Variants in MMP28 observed in about 807,000 individuals in gnomAD.
MMP28 encodes the protein matrix metallopeptidase 28.
In MMP28, 55 loss-of-function variants were observed where a neutral mutation model predicts 60.5. The ratio of observed to expected loss-of-function variants is 0.91; its 90% CI spans 0.73 to 1.14. The LOEUF is 1.14. Ranked by LOEUF, MMP28 falls within the 50% of genes most tolerant of loss-of-function variation. The pLI, the probability that MMP28 is intolerant of heterozygous loss-of-function variation, is 0.00. For missense variants in MMP28, 686 were observed against 738.3 expected (o/e 0.93, Z 0.82); for synonymous variants, 318 against 312.5 (o/e 1.02, Z -0.18).
downstream of MMP28, chr17:35,764,886 G>GC (rs1328968606): frequency 6.8e-6 from 2 of 294,358 alleles, no homozygotes; most frequent in African/African-American, 4.5e-5. Flanking sequence ...CCCCCACGCA[G>GC]CACCAGCGCC....
chr17:35,761,864 C>G (rs1555601593), downstream of MMP28, among the ~76,000 whole-genome samples: 1 of 152,204 alleles, frequency 6.6e-6, no homozygotes, highest in Admixed American at 6.5e-5. Flanking sequence ...TCTCTGGAAC[C>G]CTTTTCTAGC....
chr17:35,781,612 C>A (rs2086504771), intron 1 of MMP28, among the ~76,000 whole-genome samples: 1 of 152,176 alleles, frequency 6.6e-6, no homozygotes, highest in Admixed American at 6.5e-5. Context: ...ACCAGTTCTA[C>A]CCTTTGGGCA....
intron 1 of MMP28, among the ~76,000 whole-genome samples, chr17:35,794,684 TCC>T (rs1174805766): frequency 6.6e-6 from 1 of 152,130 alleles, no homozygotes; most frequent in Non-Finnish European, 1.5e-5. Context: ...AGGTTCACCT[TCC>T]TGCCCCCTTA....
chr17:35,767,019 C>T lies in MMP28; in HGVS notation c.1169-125G>A, dbSNP rs956507574. 7 of 892,336 alleles carry T rather than the reference C, an allele frequency of 7.8e-6. No individual in the cohort carries two copies. In the African/African-American group the frequency reaches 8.2e-5, roughly 10 times the overall value. 55.3% of individuals were successfully genotyped at this position (892,336 alleles called of 1,614,324 possible). On this transcript the variant is annotated intron_variant, in intron 7 of 7. Transcript: ENST00000605424. ...AGCCCACGATGGTTGGTATTCATATCAATCAAACGGATTGCACTACAAATT... is the reference window on the plus strand; with the variant it reads ...AGCCCACGATGGTTGGTATTCATATTAATCAAACGGATTGCACTACAAATT...
At chr17:35,761,072 G>A (rs1161551037), downstream of MMP28, 9 of 1,091,780 alleles carry the variant, frequency 8.2e-6, no homozygotes, top group African/African-American at 1.5e-4. Context: ...CCATGTAGCT[G>A]CAAGCCCTCT....
At chr17:35,762,647 A>T (rs1346120427), downstream of MMP28, among the ~76,000 whole-genome samples, 1 of 152,108 alleles carries the variant, frequency 6.6e-6, no homozygotes, top group Non-Finnish European at 1.5e-5. Flanking sequence ...TGGTCTGCCC[A>T]TAGAGGGTCC....
Position 35,779,225 on chromosome 17 carries a change from C to A in MMP28, c.191+19G>T. The A allele has an allele frequency of 1.2e-6, 2 of 1,602,966 alleles. No homozygotes were observed. Among genetic ancestry groups the A allele is most frequent in the Non-Finnish European group, 1.7e-6 (2 of 1,174,770 alleles). On this transcript the variant is annotated intron_variant, in intron 2 of 7. Coordinates refer to ENST00000605424, the MANE Select transcript of MMP28 (RefSeq NM_024302.5). ...TCCTAGCACCCCTACCCCAAGTCCT[C>A]CACATCCCTCCACCCTACCTGATGG...
At chr17:35,756,397 T>C (rs952148609) in exon 3 of MMP28, 31 of 985,180 alleles carry the variant, frequency 3.1e-5, no homozygotes, top group Admixed American at 6.2e-5. Context: ...TCAATGCCGA[T>C]CTCCCAGAAC....
chr17:35,794,429 A>T (rs970075384), intron 1 of MMP28, among the ~76,000 whole-genome samples: 2 of 151,880 alleles, frequency 1.3e-5, no homozygotes, highest in Middle Eastern at 3.2e-3. Context: ...TATTTTTAAT[A>T]AAGACGGGGT....
intron 2 of MMP28, among the ~76,000 whole-genome samples, chr17:35,760,126 T>G (rs1236271222): frequency 6.6e-6 from 1 of 152,166 alleles, no homozygotes; most frequent in East Asian, 1.9e-4. Context: ...CAGACTTGGA[T>G]GGAGGATCGC....
intron 1 of MMP28, among the ~76,000 whole-genome samples, chr17:35,789,211 A>G (rs1042237751): frequency 1.3e-5 from 2 of 152,220 alleles, no homozygotes; most frequent in Admixed American, 6.5e-5. Flanking sequence ...ACAGACAGAC[A>G]TGGACACAGA....
Position 35,765,953 on chromosome 17 carries a change from C to T in MMP28, c.*547G>A, listed in dbSNP as rs1032531945. 3.8e-5 allele frequency: 37 copies of T among 985,300 alleles called. No individual in the cohort carries two copies. Among genetic ancestry groups the T allele is most frequent in the Non-Finnish European group, 4.5e-5 (37 of 829,942 alleles). The allele number at this position is 985,300 out of a possible 1,614,324, so 61.0% of individuals were successfully genotyped here. ...GGACTGGTAGGCCTGCATCAGTCTCCCTCCCACTCTGTGTCCTGACCCCAC... is the reference window on the plus strand; with the variant it reads ...GGACTGGTAGGCCTGCATCAGTCTCTCTCCCACTCTGTGTCCTGACCCCAC... On this transcript the variant is annotated 3_prime_UTR_variant, in exon 8 of 8. Coordinates refer to ENST00000605424, the MANE Select transcript of MMP28 (RefSeq NM_024302.5).
chr17:35,766,729 C>T lies in MMP28; in HGVS notation c.1334G>A (p.Gly445Glu), dbSNP rs2085952291. The stretch of plus-strand genomic sequence containing the variant: ...GGGGTAGTAGGGCTCCACTTGCAGT[C>T]CCCCTCGGGCCAGCACGTAGTAGCG... Reference protein sequence around the residue: ...GARYYVLARGGLQVEPYYPRS... With the variant: ...GARYYVLARGELQVEPYYPRS... Residue 445 changes from glycine (G) to glutamate (E), a missense_variant, in exon 8 of 8, where the codon GGA (glycine) becomes GAA (glutamate). Transcript: ENST00000605424. The surrounding 1 kb of genome is among the most constrained non-coding windows in gnomAD (Gnocchi z 4.3). 6.3e-7 allele frequency: 1 copy of T among 1,594,124 alleles called. No homozygotes were observed. Among genetic ancestry groups the T allele is most frequent in the Non-Finnish European group, 8.5e-7 (1 of 1,171,106 alleles).
chr17:35,784,920 C>G (rs976996710), intron 1 of MMP28, among the ~76,000 whole-genome samples: 1 of 152,158 alleles, frequency 6.6e-6, no homozygotes, highest in African/African-American at 2.4e-5. Flanking sequence ...TTAGGGAGCC[C>G]AAGGCTTGAG....
At chr17:35,776,697 A>G (rs1485995522) in intron 3 of MMP28, among the ~76,000 whole-genome samples, 1 of 151,958 alleles carries the variant, frequency 6.6e-6, no homozygotes, top group African/African-American at 2.4e-5. Context: ...ACCAGCCCGG[A>G]CAACATGGTG....
chr17:35,787,480 T>TTTTGTTTG (rs144461822), intron 1 of MMP28, among the ~76,000 whole-genome samples: 21 of 151,966 alleles, frequency 1.4e-4, no homozygotes, highest in Non-Finnish European at 2.5e-4. Flanking sequence ...TCCTTCAGTT[T>TTTTGTTTG]TTTGTTTGTT....
chr17:35,773,875 G>C (rs1555606853), intron 3 of MMP28, among the ~76,000 whole-genome samples: 1 of 152,086 alleles, frequency 6.6e-6, no homozygotes, highest in Admixed American at 6.5e-5. Flanking sequence ...GACTCCCCCT[G>C]CCCCCCACCA....
chr17:35,783,483 A>T (rs912806191), intron 1 of MMP28, among the ~76,000 whole-genome samples: 23 of 151,894 alleles, frequency 1.5e-4, no homozygotes, highest in African/African-American at 5.1e-4. Context: ...TCCTTTGGGG[A>T]GGATGGACAG....
At position 35,766,313 on chromosome 17, in the gene MMP28, G is replaced by T; in HGVS notation, c.*187C>A. The T allele has an allele frequency of 1.4e-6, 2 of 1,389,776 alleles. No homozygotes were observed. The highest frequency in any genetic ancestry group is 1.9e-6 in the Non-Finnish European group (2 of 1,073,558). The allele number at this position is 1,389,776 out of a possible 1,614,324, so 86.1% of individuals were successfully genotyped here. On this transcript the variant is annotated 3_prime_UTR_variant, in exon 8 of 8. Coordinates refer to ENST00000605424, the MANE Select transcript of MMP28 (RefSeq NM_024302.5). The surrounding 1 kb of genome is among the most constrained non-coding windows in gnomAD (Gnocchi z 4.3). ...TTGATCCCACCCCCACCTCCATGTG[G>T]TGGGGACAGACAAAGACAATGCTGC...
Sources: allele counts gnomAD v4.1 joint callset (sites outside exome capture counted in the v4.1 genomes callset), GRCh38; gene constraint gnomAD v4.1.1; non-coding constraint Gnocchi (gnomAD v3.1); transcripts MANE v1.5; gene names NCBI Gene and HGNC (gene_info 2026-07-23, HGNC 2026-07-21).